Variants in PRTG observed in about 807,000 individuals in gnomAD.
The protein encoded by PRTG is protogenin.
Under a neutral mutation model 122.5 loss-of-function variants are expected in PRTG, and 67 were observed. The ratio of observed to expected loss-of-function variants is 0.55; its 90% CI spans 0.45 to 0.67. PRTG has a LOEUF of 0.67. PRTG is among the 30% of genes least tolerant of loss of function. The probability of loss-of-function intolerance (pLI) is 0.00; values close to 1 mark genes in which losing one functional copy is unlikely to be tolerated. For missense variants in PRTG, 1,435 were observed against 1,415.4 expected, an observed-to-expected ratio of 1.01 and a Z score of -0.22; for synonymous variants, 554 against 501.1, an observed-to-expected ratio of 1.11 and a Z score of -1.41.
rs776732757 is a variant in PRTG at position 55,628,826 on chromosome 15, G to A, written c.2802C>T (p.Ala934=). 23 of 1,611,806 alleles carry A rather than the reference G, an allele frequency of 1.4e-5. No homozygotes were observed. The South Asian group carries it at 2.5e-4, about 18-fold the overall frequency. Residue 934 remains alanine (A), a synonymous_variant, in exon 16 of 20, where the codon GCC becomes GCT. Coordinates refer to ENST00000389286, the MANE Select transcript of PRTG (RefSeq NM_173814.6). The part of the protein sequence containing the change: ...QRPKRLDSAD[A]KVYSGYYHLD... The stretch of plus-strand genomic sequence containing the variant: ...TGACTACGGCAGTATACAGACCTTT[G>A]GCATCAGCAGAATCTAAACGCTTGG...
chr15:55,703,941 C>T (rs1427025644), intron 2 of PRTG, among the ~76,000 whole-genome samples: 1 of 152,164 alleles, frequency 6.6e-6, no homozygotes, highest in South Asian at 2.1e-4. Context: ...ATGCGACATG[C>T]TAATGCATTT....
At position 55,614,618 on chromosome 15, in the gene PRTG, C is replaced by G. The variant is rs758223840; in HGVS notation, c.*5394G>C. ...TGAATAAATTCCATAAAGTTAGACG[C>G]AAATATTTAGGACACTTGCTGATAA... On this transcript the variant is annotated 3_prime_UTR_variant, in exon 20 of 20. Coordinates refer to ENST00000389286, the MANE Select transcript of PRTG (RefSeq NM_173814.6). The G allele has an allele frequency of 1.3e-5, 2 of 151,990 alleles. No homozygotes were observed. The highest frequency in any genetic ancestry group is 2.9e-5 in the Non-Finnish European group (2 of 67,974). 9.4% of individuals were successfully genotyped at this position (151,990 alleles called of 1,614,324 possible).
chr15:55,666,281 G>T (rs2059439061), intron 11 of PRTG, among the ~76,000 whole-genome samples: 1 of 152,310 alleles, frequency 6.6e-6, no homozygotes, highest in African/African-American at 2.4e-5. Flanking sequence ...AAGGGCATCA[G>T]CCTTACTGGA....
intron 2 of PRTG, 102 bp downstream of exon 2, chr15:55,740,280 C>T: frequency 9.1e-7 from 1 of 1,104,022 alleles, no homozygotes; most frequent in South Asian, 1.7e-5. Context: ...CAGTAAAATT[C>T]TTAATGCATG....
chr15:55,680,253 A>G (rs780043862), intron 5 of PRTG, 41 bp from the exon 6 acceptor site: 1 of 1,469,922 alleles, frequency 6.8e-7, no homozygotes, highest in South Asian at 1.2e-5. Flanking sequence ...AATGTAACAA[A>G]TAACCTGAAA....
intron 2 of PRTG, among the ~76,000 whole-genome samples, chr15:55,720,590 G>A (rs571982696): frequency 1.2e-3 from 183 of 152,200 alleles, no homozygotes; most frequent in African/African-American, 4.2e-3. Context: ...ACAACTGTTT[G>A]TGTTTCTTTT....
At chr15:55,701,768 A>T (rs995374786) in intron 2 of PRTG, among the ~76,000 whole-genome samples, 1 of 152,214 alleles carries the variant, frequency 6.6e-6, no homozygotes, top group African/African-American at 2.4e-5. Flanking sequence ...CAAACTACTG[A>T]TAAAACAAAA....
At chr15:55,623,320 C>A (rs2059176816) in intron 18 of PRTG, among the ~76,000 whole-genome samples, 1 of 152,144 alleles carries the variant, frequency 6.6e-6, no homozygotes, top group Admixed American at 6.5e-5. Flanking sequence ...GTAATCCCAG[C>A]ACTTTGGGAG....
At chr15:55,722,694 G>A (rs555454299) in intron 2 of PRTG, among the ~76,000 whole-genome samples, 7 of 152,226 alleles carry the variant, frequency 4.6e-5, no homozygotes, top group East Asian at 1.9e-4. Flanking sequence ...CTGGAAAATC[G>A]TAGACTGAAT....
chr15:55,690,628 G>A (rs1027735898), intron 2 of PRTG, among the ~76,000 whole-genome samples: 2 of 151,962 alleles, frequency 1.3e-5, no homozygotes, highest in Admixed American at 6.5e-5. Flanking sequence ...TGCTCAACCG[G>A]CGTAATGCAA....
chr15:55,723,672 T>C (rs569017008), intron 2 of PRTG, among the ~76,000 whole-genome samples: 1 of 151,904 alleles, frequency 6.6e-6, no homozygotes, highest in East Asian at 1.9e-4. Context: ...GAGAAAATCT[T>C]GAAGGCAGCA....
Position 55,721,123 on chromosome 15 carries a change from C to A in PRTG, c.397+19259G>T, listed in dbSNP as rs529505598. Among the ~76,000 whole-genome samples the A allele has an allele frequency of 1.1e-4, 16 of 152,330 alleles. 1 individual carries two copies. In the South Asian group the frequency reaches 2.9e-3, roughly 28 times the overall value. ...TACTGGCATCATCCTGAACTTTTCC[C>A]TCTCCCTGATTCCCCACATCTAACA... On this transcript the variant is annotated intron_variant, in intron 2 of 19. Transcript: ENST00000389286.
Position 55,625,194 on chromosome 15 carries a change from TA to T in PRTG, c.2928-688del, listed in dbSNP as rs1335715788. On this transcript the variant is annotated intron_variant, in intron 17 of 19. Coordinates refer to ENST00000389286, the MANE Select transcript of PRTG (RefSeq NM_173814.6). Reference sequence around the variant, plus strand: ...AAACAAAACCCAAAATATAAAAGGCTAAAAATAGACAAGTTCACTGAATGCA... The same window carrying T: ...AAACAAAACCCAAAATATAAAAGGCTAAAATAGACAAGTTCACTGAATGCA... 2.0e-5 allele frequency among the ~76,000 whole-genome samples: 3 copies of T among 152,168 alleles called. No individual in the cohort carries two copies. The East Asian group carries it at 5.8e-4, about 29-fold the overall frequency.
chr15:55,650,340 C>T (rs888811882), intron 11 of PRTG, among the ~76,000 whole-genome samples: 3 of 152,164 alleles, frequency 2.0e-5, no homozygotes, highest in East Asian at 1.9e-4. Context: ...AGAACGATTA[C>T]CACTTACTTG....
intron 6 of PRTG, chr15:55,679,752 A>G (rs1186985601): frequency 2.3e-6 from 1 of 426,428 alleles, no homozygotes; most frequent in Admixed American, 3.9e-5. Flanking sequence ...GCAATAATCA[A>G]GAGATTAAAT....
At chr15:55,738,091 T>TATATATATATATATATATA (rs71110319) in intron 2 of PRTG, 1 of 144,134 alleles carries the variant, frequency 6.9e-6, no homozygotes. Flanking sequence ...TATATATATA[T>TATATATATATATATATATA]ATTTACTCTG....
At position 55,642,192 on chromosome 15, in the gene PRTG, AAAAAAAAAAAAT is replaced by A. The variant is rs1255780569; in HGVS notation, c.2042-996_2042-985del. Among the ~76,000 whole-genome samples the A allele has an allele frequency of 2.8e-3, 428 of 151,594 alleles. 6 individuals are homozygous for A. The highest frequency in any genetic ancestry group is 0.01 in the African/African-American group (423 of 41,300). ...CGAGACTCCGTCTCAAAAAAAAAAAAAAAAAAAAAAATAGTTATACATTTCAACTCACATAAT... is the reference window on the plus strand; with the variant it reads ...CGAGACTCCGTCTCAAAAAAAAAAAAAGTTATACATTTCAACTCACATAAT... On this transcript the variant is annotated intron_variant, in intron 11 of 19. Transcript: ENST00000389286.
intron 11 of PRTG, among the ~76,000 whole-genome samples, chr15:55,646,534 G>A (rs923609708): frequency 5.3e-5 from 8 of 151,804 alleles, no homozygotes; most frequent in Admixed American, 5.3e-4. Context: ...GTGTTAACAA[G>A]GATGGTCTCG....
At chr15:55,683,537 G>C (rs1269503890) in intron 3 of PRTG, among the ~76,000 whole-genome samples, 1 of 152,166 alleles carries the variant, frequency 6.6e-6, no homozygotes, top group African/African-American at 2.4e-5. Context: ...GTCATGGTTA[G>C]AACAGATGGT....
Sources: allele counts gnomAD v4.1 joint callset (sites outside exome capture counted in the v4.1 genomes callset), GRCh38; gene constraint gnomAD v4.1.1; transcripts MANE v1.5; gene names NCBI Gene and HGNC (gene_info 2026-07-23, HGNC 2026-07-21).